The following EP300 variants were observed in gnomAD, a reference collection of about 807,000 sequenced individuals.
EP300 encodes the protein histone acetyltransferase p300.
A neutral mutation model predicts 264.0 loss-of-function variants in EP300; 31 were observed. The ratio of observed to expected loss-of-function variants is 0.12; its 90% CI spans 0.09 to 0.16. The LOEUF (loss-of-function observed/expected upper bound fraction) is 0.16. EP300 is among the 10% of genes least tolerant of loss of function. The probability of loss-of-function intolerance (pLI) is 1.00; values close to 1 mark genes in which losing one functional copy is unlikely to be tolerated. For missense variants in EP300, 2,766 were observed against 3,052.9 expected (o/e 0.91, Z 2.21); for synonymous variants, 1,340 against 1,045.4 (o/e 1.28, Z -5.44).
In EP300 at chr22:41,146,774, A is replaced by G. The variant is rs758631140; in HGVS notation, c.2089A>G (p.Ser697Gly). ...ACCTGACCCAAGTATGATCCGTGGC[A>G]GTGTGCCAAACCAGATGATGCCTCG... ...PLPDPSMIRG[S>G]VPNQMMPRIT... The change falls in exon 11 of 31, where the codon AGT becomes GGT. Residue 697 changes from serine to glycine, a missense_variant. Ser to Gly is a moderately conservative substitution (Grantham distance 56). Coordinates refer to ENST00000263253, the MANE Select transcript of EP300 (RefSeq NM_001429.4). 9.9e-6 allele frequency: 16 copies of G among 1,614,088 alleles called. No homozygotes were observed. Among genetic ancestry groups the G allele is most frequent in the South Asian group, 9.9e-5 (9 of 91,086 alleles).
At chr22:41,157,720 G>T (rs2059085462) in intron 18 of EP300, among the ~76,000 whole-genome samples, 1 of 151,868 alleles carries the variant, frequency 6.6e-6, no homozygotes, top group Admixed American at 6.6e-5. Context: ...AGGGTCTCAT[G>T]ATGTTGCTCA....
At chr22:41,140,101 C>A in intron 8 of EP300, 39 bp from the exon 9 acceptor site, 1 of 1,404,980 alleles carries the variant, frequency 7.1e-7, no homozygotes, top group South Asian at 1.2e-5. Context: ...TAATTAAATG[C>A]TGACATGATA....
chr22:41,170,335 G>C (rs1426813553), intron 26 of EP300, 71 bp from the exon 27 acceptor site: 1 of 1,442,818 alleles, frequency 6.9e-7, no homozygotes, highest in East Asian at 2.3e-5. Context: ...ACTCCAACTT[G>C]TGGTTTAAAA....
In EP300 at chr22:41,177,731, A is replaced by C; in HGVS notation, c.6020A>C (p.Gln2007Pro). The change falls in exon 31 of 31, where the codon CAG (glutamine) becomes CCG (proline). Residue 2007 changes from glutamine (Q) to proline (P), a missense_variant. Coordinates refer to ENST00000263253, the MANE Select transcript of EP300 (RefSeq NM_001429.4). ...GGATTGCCTCAGCCCCAGCAACTAC[A>C]GTCTGGGATGCCAAGGCCAGCCATG... ...QGGLPQPQQL[Q>P]SGMPRPAMMS... is the part of the protein sequence containing the mutation. 6.2e-7 allele frequency: 1 copy of C among 1,613,808 alleles called. No individual in the cohort carries two copies. The highest frequency in any genetic ancestry group is 1.1e-5 in the South Asian group (1 of 91,082).
At position 41,152,379 on chromosome 22, in the gene EP300, G is replaced by C. The variant is rs1277229794; in HGVS notation, c.3142+29G>C. ...AGTCTCTGAAGCCATTCGTTCTGGA[G>C]GTAGCTGAAGAAACCAAAGACCCAG... On this transcript the variant is annotated intron_variant, in intron 16 of 30. Transcript: ENST00000263253. 4 of 1,598,994 alleles carry C rather than the reference G, an allele frequency of 2.5e-6. No homozygotes were observed. The South Asian group carries it at 4.5e-5, about 18-fold the overall frequency.
intron 29 of EP300, 47 bp from the exon 30 acceptor site, chr22:41,176,200 A>G (rs2145511734): frequency 2.5e-6 from 4 of 1,610,504 alleles, no homozygotes; most frequent in Non-Finnish European, 3.4e-6. Context: ...AGCCTGGATG[A>G]CAGAGCGAGG....
intron 23 of EP300, among the ~76,000 whole-genome samples, chr22:41,167,709 C>G (rs2059146490): frequency 7.0e-6 from 1 of 142,394 alleles, no homozygotes. Flanking sequence ...ATCTTGAACT[C>G]CTGGATTCAA....
intron 1 of EP300, among the ~76,000 whole-genome samples, chr22:41,101,241 A>G (rs972213405): frequency 6.6e-6 from 1 of 151,202 alleles, no homozygotes; most frequent in East Asian, 1.9e-4. Flanking sequence ...TGCCTGGCTA[A>G]TGTTTGTATT....
chr22:41,113,967 G>A (rs1489202398), intron 1 of EP300, among the ~76,000 whole-genome samples: 1 of 152,090 alleles, frequency 6.6e-6, no homozygotes, highest in Non-Finnish European at 1.5e-5. Flanking sequence ...CTAAAGTGGA[G>A]ATTTTTTTGC....
At chr22:41,127,974 G>A (rs2058892641) in intron 4 of EP300, among the ~76,000 whole-genome samples, 1 of 152,178 alleles carries the variant, frequency 6.6e-6, no homozygotes, top group African/African-American at 2.4e-5. Context: ...GATTGCTTGA[G>A]GCCAGGAGTT....
rs765742153 is a variant in EP300 at position 41,178,963 on chromosome 22, CTT to C, written c.*8_*9del. The C allele has an allele frequency of 3.1e-6, 5 of 1,601,762 alleles. No homozygotes were observed. The stretch of plus-strand genomic sequence containing the variant: ...TACACTAGACATACACTAGAGACAC[CTT>C]GTAGTATTTTGGGAGCAAAAAAATT... On this transcript the variant is annotated 3_prime_UTR_variant, in exon 31 of 31. Transcript: ENST00000263253.
At chr22:41,098,948 T>C (rs2058716509) in intron 1 of EP300, among the ~76,000 whole-genome samples, 1 of 152,156 alleles carries the variant, frequency 6.6e-6, no homozygotes, top group African/African-American at 2.4e-5. Context: ...AGAATTCTCT[T>C]TATCAGATGC....
At chr22:41,167,514 A>G (rs2059141112) in intron 23 of EP300, among the ~76,000 whole-genome samples, 1 of 145,600 alleles carries the variant, frequency 6.9e-6, no homozygotes, top group African/African-American at 2.6e-5. Context: ...TTAAAATATT[A>G]CTGCAATCTA....
At chr22:41,121,044 C>T (rs1463110294) in intron 2 of EP300, among the ~76,000 whole-genome samples, 1 of 152,156 alleles carries the variant, frequency 6.6e-6, no homozygotes, top group East Asian at 1.9e-4. Context: ...TAGTTCACAT[C>T]TGTATTCCTA....
intron 10 of EP300, among the ~76,000 whole-genome samples, chr22:41,145,436 C>T (rs2059005158): frequency 6.6e-6 from 1 of 152,186 alleles, no homozygotes; most frequent in Non-Finnish European, 1.5e-5. Flanking sequence ...AGGTCTTCCT[C>T]TCCTATGCCT....
At chr22:41,120,873 C>T (rs745591656) in intron 2 of EP300, among the ~76,000 whole-genome samples, 5 of 152,168 alleles carry the variant, frequency 3.3e-5, no homozygotes, top group Non-Finnish European at 5.9e-5. Context: ...GACTGTCATG[C>T]CCTGCCAGTT....
At chr22:41,166,888 AC>A (rs953054602) in intron 23 of EP300, among the ~76,000 whole-genome samples, 89 of 149,830 alleles carry the variant, frequency 5.9e-4, no homozygotes, top group African/African-American at 2.2e-3. Flanking sequence ...TGCACAAGAT[AC>A]GTGTTTTTCC....
intron 22 of EP300, 114 bp from the exon 23 acceptor site, chr22:41,166,485 C>G: frequency 1.3e-6 from 1 of 796,644 alleles, no homozygotes; most frequent in Non-Finnish European, 2.1e-6. Context: ...ATTAACTCTT[C>G]ATTAGAAATT....
At position 41,106,842 on chromosome 22, in the gene EP300, C is replaced by G. The variant is rs991022036; in HGVS notation, c.95-10345C>G. Among the ~76,000 whole-genome samples, 4 of 152,258 alleles carry G rather than the reference C, an allele frequency of 2.6e-5. No homozygotes were observed. The East Asian group carries it at 5.8e-4, about 22-fold the overall frequency. On this transcript the variant is annotated intron_variant, in intron 1 of 30. Transcript: ENST00000263253. ...AAACTCCTGGGCTCAAGCAGCCTGC[C>G]TTGGCCTCCCAAAGTGCCATGATTA...
Sources: allele counts gnomAD v4.1 joint callset (sites outside exome capture counted in the v4.1 genomes callset), GRCh38; gene constraint gnomAD v4.1.1; transcripts MANE v1.5; gene names NCBI Gene and HGNC (gene_info 2026-07-23, HGNC 2026-07-21).